The following LEUTX variants were observed in gnomAD, a reference collection of about 807,000 sequenced individuals.
LEUTX encodes the protein leucine twenty homeobox.
In LEUTX, 5 loss-of-function variants were observed where a neutral mutation model predicts 4.5. That is an observed-to-expected ratio of 1.11 (90% confidence interval 0.58 to 2.34). LEUTX has a LOEUF of 2.34. Ranked by LOEUF, LEUTX falls within the 30% of genes most tolerant of loss-of-function variation. The probability of loss-of-function intolerance (pLI) is 0.01; values close to 1 mark genes in which losing one functional copy is unlikely to be tolerated. For missense variants in LEUTX, 233 were observed against 239.4 expected, an observed-to-expected ratio of 0.97 and a Z score of 0.18; for synonymous variants, 89 against 85.1, an observed-to-expected ratio of 1.05 and a Z score of -0.25.
chr19:39,776,890 A>G (rs1170381886), upstream of LEUTX, among the ~76,000 whole-genome samples: 2 of 152,162 alleles, frequency 1.3e-5, no homozygotes, highest in African/African-American at 2.4e-5. Flanking sequence ...GAAAGAAAAA[A>G]GGGAAAGAAA....
At chr19:39,783,116 T>C (rs1967911664) in intron 1 of LEUTX, among the ~76,000 whole-genome samples, 1 of 151,676 alleles carries the variant, frequency 6.6e-6, no homozygotes, top group Non-Finnish European at 1.5e-5. Context: ...CACTTATGAG[T>C]GTGAACATAT....
At position 39,782,858 on chromosome 19, in the gene LEUTX, A is replaced by G. The variant is rs190227331; in HGVS notation, c.8-1669A>G. ...TTACCTTTGGAATATACATATTTGC[A>G]TTCTAATAAAACATTTTTAAATTTT... is the stretch of plus-strand genomic sequence containing the variant. On this transcript the variant is annotated intron_variant, in intron 1 of 2. Coordinates refer to ENST00000638280, the MANE Select transcript of LEUTX (RefSeq NM_001382345.1). Among the ~76,000 whole-genome samples the G allele has an allele frequency of 9.2e-5, 14 of 152,284 alleles. No homozygotes were observed. In the East Asian group the frequency reaches 2.5e-3, roughly 27 times the overall value.
Position 39,785,785 on chromosome 19 carries a change from A to C in LEUTX, c.247A>C (p.Thr83Pro). The C allele has an allele frequency of 6.4e-7, 1 of 1,551,768 alleles. No homozygotes were observed. The highest frequency in any genetic ancestry group is 8.7e-7 in the Non-Finnish European group (1 of 1,146,972). Residue 83 changes from threonine (T) to proline (P), a missense_variant, in exon 3 of 3, where the codon ACA becomes CCA. Transcript: ENST00000638280. ...TRPSLGPANQ[T>P]TSVKKEETPS... ...GCCATCACTAGGGCCAGCAAACCAG[A>C]CAACTTCAGTGAAGAAGGAGGAGAC...
intron 2 of LEUTX, 110 bp downstream of exon 2, chr19:39,784,788 A>G: frequency 1.3e-6 from 1 of 752,654 alleles, no homozygotes; most frequent in Non-Finnish European, 2.2e-6. Flanking sequence ...ATGTGTAAGG[A>G]CAGATGTTAA....
In LEUTX at chr19:39,780,039, G is replaced by A. The variant is rs1376837040; in HGVS notation, c.7+1112G>A. ...AAAAACAAAAAAAGTGTATTTCTTG[G>A]CTGGGGACATAAATGTAATTTTAGT... On this transcript the variant is annotated intron_variant, in intron 1 of 2. Coordinates refer to ENST00000638280, the MANE Select transcript of LEUTX (RefSeq NM_001382345.1). Among the ~76,000 whole-genome samples the A allele has an allele frequency of 4.6e-5, 7 of 152,246 alleles. No individual in the cohort carries two copies. The East Asian group carries it at 9.6e-4, about 21-fold the overall frequency.
At chr19:39,785,650 C>T (rs1289902476) in intron 2 of LEUTX, 48 bp from the exon 3 acceptor site, 16 of 1,448,822 alleles carry the variant, frequency 1.1e-5, no homozygotes, top group South Asian at 2.6e-5. Flanking sequence ...GAGGATGCCC[C>T]TTTATACTCA....
At chr19:39,781,777 C>G (rs150051808) in intron 1 of LEUTX, among the ~76,000 whole-genome samples, 108 of 152,286 alleles carry the variant, frequency 7.1e-4, no homozygotes, top group African/African-American at 2.6e-3. Context: ...CAATTAATTC[C>G]TCTTTTCTAA....
chr19:39,777,937 G>A (rs1599615090), upstream of LEUTX, among the ~76,000 whole-genome samples: 1 of 152,166 alleles, frequency 6.6e-6, no homozygotes, highest in Admixed American at 6.6e-5. Context: ...TGGGGGTGTG[G>A]AGGTTGCGGG....
chr19:39,780,513 T>C (rs1367008436), intron 1 of LEUTX, among the ~76,000 whole-genome samples: 3 of 152,220 alleles, frequency 2.0e-5, no homozygotes, highest in Non-Finnish European at 4.4e-5. Context: ...TTGAATTTTT[T>C]TTAATAAATA....
At chr19:39,776,784 G>T (rs1319709189), upstream of LEUTX, 3 of 411,566 alleles carry the variant, frequency 7.3e-6, no homozygotes, top group Non-Finnish European at 1.5e-5. Context: ...GGGAGGCTGA[G>T]GCGGGAGGAT....
chr19:39,784,585 A>G lies in LEUTX; in HGVS notation c.66A>G (p.Ala22=). Residue 22 remains alanine (A), a synonymous_variant, in exon 2 of 3, where the codon GCA becomes GCG. Coordinates refer to ENST00000638280, the MANE Select transcript of LEUTX (RefSeq NM_001382345.1). ...GATTTCTCTCCAAACAACTCACAGCATTGAGAGAATTGCTTGAAAAGACCA... is the reference window on the plus strand; with the variant it reads ...GATTTCTCTCCAAACAACTCACAGCGTTGAGAGAATTGCTTGAAAAGACCA... ...RTRFLSKQLT[A]LRELLEKTMH... 1 of 1,523,012 alleles carries G rather than the reference A, an allele frequency of 6.6e-7. No homozygotes were observed. The highest frequency in any genetic ancestry group is 1.4e-5 in the African/African-American group (1 of 72,634). 94.3% of individuals were successfully genotyped at this position (1,523,012 alleles called of 1,614,324 possible). A position where few individuals can be genotyped will look rare whatever the true frequency, so the allele number is the denominator to read the frequency against.
intron 2 of LEUTX, 23 bp from the exon 3 acceptor site, chr19:39,785,675 C>T (rs1472717673): frequency 6.5e-7 from 1 of 1,538,478 alleles, no homozygotes; most frequent in Non-Finnish European, 8.8e-7. Context: ...CCATTATTAA[C>T]CTCCCCCCTC....
At chr19:39,784,800 C>T (rs1183380012) in intron 2 of LEUTX, 122 bp downstream of exon 2, 1 of 682,606 alleles carries the variant, frequency 1.5e-6, no homozygotes, top group Non-Finnish European at 2.5e-6. Flanking sequence ...AGATGTTAAG[C>T]ACTTTATATT....
At chr19:39,781,628 T>G (rs1032732432) in intron 1 of LEUTX, among the ~76,000 whole-genome samples, 6 of 152,114 alleles carry the variant, frequency 3.9e-5, no homozygotes, top group African/African-American at 7.2e-5. Context: ...GACCTTCCCC[T>G]GCTGTCTCTT....
intron 1 of LEUTX, among the ~76,000 whole-genome samples, chr19:39,779,559 T>C (rs1339194766): frequency 6.6e-6 from 1 of 152,202 alleles, no homozygotes; most frequent in Non-Finnish European, 1.5e-5. Context: ...TTCTAGACAC[T>C]AATAATTTAT....
upstream of LEUTX, chr19:39,776,460 T>A: frequency 2.8e-6 from 1 of 363,426 alleles, no homozygotes; most frequent in Non-Finnish European, 5.4e-6. Flanking sequence ...CCGGGAGTGC[T>A]GCCGCACCAC....
At position 39,786,125 on chromosome 19, in the gene LEUTX, C is replaced by A. The variant is rs1312714851; in HGVS notation, c.587C>A (p.Ser196Tyr). 1.3e-6 allele frequency: 2 copies of A among 1,525,570 alleles called. No homozygotes were observed. The highest frequency in any genetic ancestry group is 1.8e-6 in the Non-Finnish European group (2 of 1,135,028). 94.5% of individuals were successfully genotyped at this position (1,525,570 alleles called of 1,614,324 possible). The change falls in exon 3 of 3, where the codon TCT (serine) becomes TAT (tyrosine). Residue 196 changes from serine to tyrosine, a missense_variant. Coordinates refer to ENST00000638280, the MANE Select transcript of LEUTX (RefSeq NM_001382345.1). ...TGCCTTGAGTATGACCAGCTCCAAT[C>A]TTCAGTGTAACTTCTTACACATCAC... ...PVCLEYDQLQ[S>Y]SV is the part of the protein sequence containing the mutation.
chr19:39,781,922 G>C (rs1363452741), intron 1 of LEUTX, among the ~76,000 whole-genome samples: 5 of 152,182 alleles, frequency 3.3e-5, no homozygotes, highest in Admixed American at 3.3e-4. Flanking sequence ...CCATGTTATT[G>C]TTAAAGATAC....
At chr19:39,784,269 G>A (rs2108687) in intron 1 of LEUTX, among the ~76,000 whole-genome samples, 37,978 of 151,722 alleles carry the variant, frequency 0.25, 5,385 homozygotes, top group East Asian at 0.48. Context: ...GGTATATCAC[G>A]GATTTCTTCT....
Sources: allele counts gnomAD v4.1 joint callset (sites outside exome capture counted in the v4.1 genomes callset), GRCh38; gene constraint gnomAD v4.1.1; transcripts MANE v1.5; gene names NCBI Gene and HGNC (gene_info 2026-07-23, HGNC 2026-07-21).